Variants in COMMD1 observed in about 807,000 individuals in gnomAD.
COMMD1 encodes the protein COMM domain-containing protein 1.
COMMD1 carries 10 observed loss-of-function variants against 17.2 expected under a neutral mutation model. That is an observed-to-expected ratio of 0.58 (90% CI 0.36 to 0.99). The LOEUF (loss-of-function observed/expected upper bound fraction) is 0.99, where lower values mean the gene tolerates loss of function less well. Ranked by LOEUF, COMMD1 falls within the 50% of genes least tolerant of loss-of-function variation. COMMD1 has a pLI of 0.01. For synonymous variants in COMMD1, 97 were observed against 91.6 expected, an observed-to-expected ratio of 1.06 and a Z score of -0.34; for missense variants, 270 against 231.8, an observed-to-expected ratio of 1.17 and a Z score of -1.07.
chr2:61,947,467 G>C (rs1670937250), intron 1 of COMMD1, among the ~76,000 whole-genome samples: 1 of 152,022 alleles, frequency 6.6e-6, no homozygotes, highest in Admixed American at 6.6e-5. Flanking sequence ...CGGATCGCCT[G>C]ATGGTCAGGA....
intron 1 of COMMD1, among the ~76,000 whole-genome samples, chr2:61,909,905 C>T (rs1159382085): frequency 3.3e-5 from 5 of 152,162 alleles, no homozygotes; most frequent in Admixed American, 2.6e-4. Flanking sequence ...TGAGCTGTAG[C>T]CCTTCCCTCT....
At chr2:62,121,132 G>A (rs1182979503) in intron 2 of COMMD1, among the ~76,000 whole-genome samples, 1 of 152,032 alleles carries the variant, frequency 6.6e-6, no homozygotes. Flanking sequence ...CACTTTGGGA[G>A]GCCGAGGCAG....
intron 2 of COMMD1, among the ~76,000 whole-genome samples, chr2:62,060,585 C>G (rs1200610317): frequency 6.6e-6 from 1 of 152,146 alleles, no homozygotes; most frequent in Non-Finnish European, 1.5e-5. Context: ...TCATTTCTTT[C>G]TGAAGATCTG....
chr2:61,922,234 G>A (rs932516052), intron 1 of COMMD1, among the ~76,000 whole-genome samples: 1 of 152,164 alleles, frequency 6.6e-6, no homozygotes, highest in Non-Finnish European at 1.5e-5. Context: ...AAAGATTTAC[G>A]CTAAAAGCGG....
chr2:61,911,568 G>T (rs1206588361), intron 1 of COMMD1, among the ~76,000 whole-genome samples: 1 of 152,146 alleles, frequency 6.6e-6, no homozygotes, highest in Non-Finnish European at 1.5e-5. Flanking sequence ...AACTGACCAC[G>T]AGTGATCCTC....
At chr2:62,078,163 T>A (rs567877620) in intron 2 of COMMD1, among the ~76,000 whole-genome samples, 1 of 138,542 alleles carries the variant, frequency 7.2e-6, no homozygotes, top group Admixed American at 8.1e-5. Flanking sequence ...TAGTCCCTGC[T>A]ACTCGGGAGG....
intron 2 of COMMD1, among the ~76,000 whole-genome samples, chr2:62,061,554 C>CTTTTTTTTTTTTT (rs57638195): frequency 3.0e-5 from 4 of 131,538 alleles, no homozygotes; most frequent in Admixed American, 7.7e-5. Context: ...TCTTTCTTTT[C>CTTTTTTTTTTTTT]TTTTTTTTTT....
At chr2:62,104,743 A>G (rs1338324526) in intron 2 of COMMD1, among the ~76,000 whole-genome samples, 1 of 152,042 alleles carries the variant, frequency 6.6e-6, no homozygotes, top group Admixed American at 6.5e-5. Flanking sequence ...AGTGCCTGTT[A>G]TGTGCCAGGC....
intron 2 of COMMD1, among the ~76,000 whole-genome samples, chr2:62,029,165 T>G (rs1204177648): frequency 2.0e-5 from 3 of 152,226 alleles, no homozygotes; most frequent in Admixed American, 2.0e-4. Flanking sequence ...ATGTACATAC[T>G]GTTTTTTAAA....
At chr2:62,122,694 T>A (rs1292632049) in intron 2 of COMMD1, among the ~76,000 whole-genome samples, 2 of 152,254 alleles carry the variant, frequency 1.3e-5, no homozygotes, top group Non-Finnish European at 2.9e-5. Flanking sequence ...CCAAAATACA[T>A]GTTCCTTTTG....
chr2:62,042,749 T>A (rs1233633164), intron 2 of COMMD1, among the ~76,000 whole-genome samples: 1 of 152,132 alleles, frequency 6.6e-6, no homozygotes, highest in Non-Finnish European at 1.5e-5. Context: ...TAGCAAGTTG[T>A]CAACTCTCAC....
chr2:61,909,156 G>A (rs1023521243), intron 1 of COMMD1, among the ~76,000 whole-genome samples: 8 of 151,734 alleles, frequency 5.3e-5, no homozygotes, highest in South Asian at 2.1e-4. Flanking sequence ...CCGAGCTCCC[G>A]ACCTCAGATG....
intron 2 of COMMD1, among the ~76,000 whole-genome samples, chr2:62,017,155 A>G (rs1669471709): frequency 6.6e-6 from 1 of 152,218 alleles, no homozygotes; most frequent in Non-Finnish European, 1.5e-5. Context: ...TATTAACCTA[A>G]GTGGATTATA....
At chr2:61,905,981 A>C in intron 1 of COMMD1, 123 bp downstream of exon 1, 1 of 913,682 alleles carries the variant, frequency 1.1e-6, no homozygotes, top group Non-Finnish European at 1.7e-6. Context: ...TCAGACCTCC[A>C]CTCCGTGGGC....
At chr2:62,003,166 G>A (rs1481076384) in intron 2 of COMMD1, among the ~76,000 whole-genome samples, 1 of 151,872 alleles carries the variant, frequency 6.6e-6, no homozygotes, top group Non-Finnish European at 1.5e-5. Flanking sequence ...CTGGGAGGCA[G>A]AGGTTGCTGT....
intron 1 of COMMD1, 56 bp from the exon 2 acceptor site, chr2:62,000,645 C>A: frequency 6.6e-7 from 1 of 1,517,174 alleles, no homozygotes; most frequent in East Asian, 2.3e-5. Context: ...AAGAAGCTAT[C>A]TTTTTCTAAT....
At chr2:61,926,572 TATA>T (rs1408711996) in intron 1 of COMMD1, among the ~76,000 whole-genome samples, 1 of 152,194 alleles carries the variant, frequency 6.6e-6, no homozygotes, top group Non-Finnish European at 1.5e-5. Context: ...AATCAATAGC[TATA>T]ATATCATAAC....
chr2:61,918,903 T>C (rs1268964618), intron 1 of COMMD1, among the ~76,000 whole-genome samples: 7 of 152,182 alleles, frequency 4.6e-5, no homozygotes, highest in Admixed American at 4.6e-4. Flanking sequence ...TGGACTTCTG[T>C]TATGTGGTTC....
chr2:61,988,878 A>G (rs1672172500), intron 1 of COMMD1, among the ~76,000 whole-genome samples: 2 of 152,134 alleles, frequency 1.3e-5, no homozygotes, highest in South Asian at 4.1e-4. Flanking sequence ...GCTGATCTAA[A>G]TGTTCCCTCT....
Sources: allele counts gnomAD v4.1 joint callset (sites outside exome capture counted in the v4.1 genomes callset), GRCh38; gene constraint gnomAD v4.1.1; transcripts MANE v1.5; gene names NCBI Gene and HGNC (gene_info 2026-07-23, HGNC 2026-07-21).